Variants in CALB1 observed in about 807,000 individuals in gnomAD.
CALB1 encodes calbindin 1.
Under a neutral mutation model 46.7 loss-of-function variants are expected in CALB1, and 16 were observed. The observed-to-expected ratio is 0.34, with a 90% CI of 0.23 to 0.52. The LOEUF is 0.52. CALB1 is among the 20% of genes least tolerant of loss of function. The pLI, the probability that CALB1 is intolerant of heterozygous loss-of-function variation, is 0.95. For synonymous variants in CALB1, 90 were observed against 112.8 expected (o/e 0.80, Z 1.28); for missense variants, 224 against 300.3 (o/e 0.75, Z 1.88).
intron 3 of CALB1, among the ~76,000 whole-genome samples, chr8:90,070,545 T>C (rs1814493527): frequency 6.6e-6 from 1 of 152,238 alleles, no homozygotes; most frequent in Non-Finnish European, 1.5e-5. Flanking sequence ...TGCCTGTGTA[T>C]GCCCTTTAGC....
At chr8:90,066,019 A>G (rs746870614) in intron 5 of CALB1, 44 bp from the exon 6 acceptor site, 25 of 1,237,550 alleles carry the variant, frequency 2.0e-5, no homozygotes, top group Non-Finnish European at 2.7e-5. Flanking sequence ...TTAATAATAT[A>G]TCGTCTACTT....
chr8:90,074,871 G>A (rs1434566273), intron 3 of CALB1, among the ~76,000 whole-genome samples: 1 of 152,174 alleles, frequency 6.6e-6, no homozygotes, highest in African/African-American at 2.4e-5. Flanking sequence ...CCATTTAAGA[G>A]AAATACCTAT....
intron 3 of CALB1, among the ~76,000 whole-genome samples, chr8:90,075,586 G>A (rs1038829051): frequency 6.6e-6 from 1 of 152,104 alleles, no homozygotes; most frequent in Non-Finnish European, 1.5e-5. Flanking sequence ...GAAAAAGAAA[G>A]GATGAACTTC....
rs572257638 is a variant in CALB1 at position 90,058,772 on chromosome 8, T to C, written c.*1401A>G. On this transcript the variant is annotated 3_prime_UTR_variant, in exon 11 of 11. Coordinates refer to ENST00000265431, the MANE Select transcript of CALB1 (RefSeq NM_004929.4). ...CTGTTTGTTCTTGAGGGAAACATTA[T>C]AGCTCACATTTTTTGGTTATTTTTA... The C allele has an allele frequency of 6.6e-6, 1 of 152,350 alleles. No individual in the cohort carries two copies. Among genetic ancestry groups the C allele is most frequent in the Non-Finnish European group, 1.5e-5 (1 of 68,032 alleles). 9.4% of individuals were successfully genotyped at this position (152,350 alleles called of 1,614,324 possible). A position where few individuals can be genotyped will look rare whatever the true frequency, so the allele number is the denominator to read the frequency against.
At chr8:90,076,356 T>C (rs1396438066) in intron 3 of CALB1, among the ~76,000 whole-genome samples, 2 of 152,016 alleles carry the variant, frequency 1.3e-5, no homozygotes, top group Non-Finnish European at 2.9e-5. Context: ...CATGGCTGGG[T>C]TCTGACTGTT....
At chr8:90,075,864 T>C (rs998544596) in intron 3 of CALB1, among the ~76,000 whole-genome samples, 2 of 152,084 alleles carry the variant, frequency 1.3e-5, no homozygotes, top group Non-Finnish European at 2.9e-5. Context: ...TACTCCTATG[T>C]CTTGGCTGAT....
At chr8:90,065,785 A>G in intron 6 of CALB1, 113 bp downstream of exon 6, 1 of 689,692 alleles carries the variant, frequency 1.4e-6, no homozygotes, top group South Asian at 1.7e-5. Flanking sequence ...CTATGTGCAT[A>G]TGATGCCCAC....
At chr8:90,069,718 CAAGCCCGAGGAGA>C (rs1483873137) in intron 3 of CALB1, among the ~76,000 whole-genome samples, 1 of 152,112 alleles carries the variant, frequency 6.6e-6, no homozygotes, top group East Asian at 1.9e-4. Context: ...AATGTATTCC[CAAGCCCGAGGAGA>C]AAGCCTACCA....
intron 9 of CALB1, chr8:90,062,875 T>C (rs1274526428): frequency 2.3e-6 from 1 of 428,398 alleles, no homozygotes; most frequent in East Asian, 4.1e-5. Context: ...GTCACACTCA[T>C]AAAGTAGAAT....
intron 3 of CALB1, among the ~76,000 whole-genome samples, chr8:90,075,140 A>C (rs942435743): frequency 6.6e-6 from 1 of 152,206 alleles, no homozygotes; most frequent in Non-Finnish European, 1.5e-5. Context: ...AGAAATTAGA[A>C]AGTTCAGAAA....
intron 3 of CALB1, among the ~76,000 whole-genome samples, chr8:90,073,483 T>C (rs1034271401): frequency 6.6e-6 from 1 of 152,200 alleles, no homozygotes; most frequent in East Asian, 1.9e-4. Context: ...GGTCAGCTGA[T>C]GTCCCCGTTG....
chr8:90,063,621 A>G (rs979260329), intron 6 of CALB1, 160 bp from the exon 7 acceptor site: 34 of 615,582 alleles, frequency 5.5e-5, no homozygotes, highest in African/African-American at 4.3e-4. Flanking sequence ...CAAATTTTCA[A>G]TTCTGTAATG....
At chr8:90,075,779 A>G (rs1299342020) in intron 3 of CALB1, among the ~76,000 whole-genome samples, 1 of 152,086 alleles carries the variant, frequency 6.6e-6, no homozygotes, top group African/African-American at 2.4e-5. Flanking sequence ...CATATGAACT[A>G]TTGAAGCAAT....
At position 90,059,656 on chromosome 8, in the gene CALB1, A is replaced by G. The variant is rs1426761253; in HGVS notation, c.*517T>C. On this transcript the variant is annotated 3_prime_UTR_variant, in exon 11 of 11. Transcript: ENST00000265431. ...AACTAAATCTGTAATGAGACTGTTA[A>G]CTTCATAAAGCCACAATTAACTATA... The G allele has an allele frequency of 6.5e-6, 1 of 153,182 alleles. No homozygotes were observed. Among genetic ancestry groups the G allele is most frequent in the African/African-American group, 2.4e-5 (1 of 41,458 alleles). 9.5% of individuals were successfully genotyped at this position (153,182 alleles called of 1,614,324 possible).
At chr8:90,062,592 A>C (rs1814323822) in intron 9 of CALB1, 1 of 152,050 alleles carries the variant, frequency 6.6e-6, no homozygotes, top group African/African-American at 2.4e-5. Context: ...AAAATGCTTA[A>C]CATCACTAAT....
intron 3 of CALB1, among the ~76,000 whole-genome samples, chr8:90,070,604 C>A (rs1805875): frequency 6.6e-6 from 1 of 151,250 alleles, no homozygotes; most frequent in Non-Finnish European, 1.5e-5. Flanking sequence ...TAAAACCACT[C>A]GATTTATACG....
In CALB1 at chr8:90,060,159, T is replaced by TG; in HGVS notation, c.*13dup. Reference sequence around the variant, plus strand: ...ATACAGTGTATCACTAGCAAGTGGTTGCGGCCACCAACTCTAGTTATCCCC... The same window carrying TG: ...ATACAGTGTATCACTAGCAAGTGGTTGGCGGCCACCAACTCTAGTTATCCCC... On this transcript the variant is annotated 3_prime_UTR_variant, in exon 11 of 11. Transcript: ENST00000265431. 6.7e-7 allele frequency: 1 copy of TG among 1,494,362 alleles called. No individual in the cohort carries two copies. The highest frequency in any genetic ancestry group is 9.3e-7 in the Non-Finnish European group (1 of 1,070,856). 92.6% of individuals were successfully genotyped at this position (1,494,362 alleles called of 1,614,324 possible).
At chr8:90,061,882 A>T (rs1814305496) in intron 9 of CALB1, 2 of 152,112 alleles carry the variant, frequency 1.3e-5, no homozygotes, top group Admixed American at 1.3e-4. Context: ...ACCACAAAAG[A>T]TCCCAAATAG....
intron 2 of CALB1, 37 bp downstream of exon 2, chr8:90,081,989 A>T (rs1396637874): frequency 2.6e-6 from 4 of 1,558,286 alleles, no homozygotes; most frequent in Non-Finnish European, 2.6e-6. Context: ...TTTGGGGGTT[A>T]AAAGTCTTTT....
Sources: gnomAD v4.1 joint callset for allele counts (sites outside exome capture counted in the v4.1 genomes callset) on GRCh38, gnomAD v4.1.1 for gene constraint, MANE v1.5 for transcripts, NCBI Gene and HGNC (gene_info 2026-07-23, HGNC 2026-07-21) for gene names.